TBC1D10A: variants seen among roughly 807,000 people sequenced by gnomAD.
The protein encoded by TBC1D10A is EBP50-PDX interactor of 64 kDa.
In TBC1D10A, 24 loss-of-function variants were observed where a neutral mutation model predicts 52.9. That is an observed-to-expected ratio of 0.45 (90% confidence interval 0.33 to 0.64). The LOEUF is 0.64. Ranked by LOEUF, TBC1D10A falls within the 30% of genes least tolerant of loss-of-function variation. TBC1D10A has a pLI of 0.02. For synonymous variants in TBC1D10A, 278 were observed against 282.9 expected (o/e 0.98, Z 0.17); for missense variants, 602 against 687.9 (o/e 0.88, Z 1.40).
rs149639218 is a variant in TBC1D10A at position 30,292,684 on chromosome 22, A to T, written c.1218T>A (p.Pro406=). 1 of 1,608,674 alleles carries T rather than the reference A, an allele frequency of 6.2e-7. No homozygotes were observed. Reference sequence around the variant, plus strand: ...CTAGGGGCAGGCGGATGGATGGTGAAGGTTGTAGGGCAGGCCGGGGACCAG... The same window carrying T: ...CTAGGGGCAGGCGGATGGATGGTGATGGTTGTAGGGCAGGCCGGGGACCAG... ...AEPGPRPALQ[P]SPSIRLPLDA... Residue 406 remains proline, a synonymous_variant, in exon 9 of 9, where the codon CCT becomes CCA. Transcript: ENST00000215790.
In TBC1D10A at chr22:30,293,724, C is replaced by T. The variant is rs749880360; in HGVS notation, c.977G>A (p.Gly326Asp). The T allele has an allele frequency of 3.7e-6, 6 of 1,613,402 alleles. No homozygotes were observed. The highest frequency in any genetic ancestry group is 1.7e-5 in the Admixed American group (1 of 60,004). The change falls in exon 8 of 9, where the codon GGC becomes GAC. Residue 326 changes from glycine to aspartate, a missense_variant. Around this residue, in one of 3 missense-constraint regions of TBC1D10A, gnomAD observed 265 missense variants for 275.1 expected, o/e 0.96. Coordinates refer to ENST00000215790, the MANE Select transcript of TBC1D10A (RefSeq NM_031937.3). ...GSPEKVKACQGQYETIERLRS... is the reference protein window; with the variant it reads ...GSPEKVKACQDQYETIERLRS... ...CAGTCGCTCGATGGTCTCGTACTGG[C>T]CCTGGCAGGCTTTGACCTTCTCAGG...
At chr22:30,304,477 C>T (rs1442585672) in intron 2 of TBC1D10A, 54 bp downstream of exon 2, 4 of 1,611,506 alleles carry the variant, frequency 2.5e-6, no homozygotes, top group Non-Finnish European at 3.4e-6. Context: ...CCCTCTTCCT[C>T]CTCCTCCCCA....
At chr22:30,317,646 G>A (rs369561809) in intron 1 of TBC1D10A, among the ~76,000 whole-genome samples, 5 of 152,020 alleles carry the variant, frequency 3.3e-5, no homozygotes, top group African/African-American at 4.8e-5. Flanking sequence ...ATGGGGTCTC[G>A]CTCTGTCACC....
Position 30,326,693 on chromosome 22 carries a change from G to A in TBC1D10A, c.189C>T (p.Gly63=). The change falls in exon 1 of 9, where the codon GGC becomes GGT. Residue 63 remains glycine, a synonymous_variant. Coordinates refer to ENST00000215790, the MANE Select transcript of TBC1D10A (RefSeq NM_031937.3). ...RRIDKFGFIV[G]SQGAEGALEE... is the part of the protein sequence containing the mutation. The stretch of plus-strand genomic sequence containing the variant: ...CTCACGCGCCCTCGGCGCCCTGCGA[G>A]CCCACGATGAAGCCGAACTTGTCGA... 6.4e-7 allele frequency: 1 copy of A among 1,550,550 alleles called. No homozygotes were observed. Among genetic ancestry groups the A allele is most frequent in the Non-Finnish European group, 8.7e-7 (1 of 1,147,570 alleles).
intron 3 of TBC1D10A, chr22:30,298,015 C>G (rs530109836): frequency 3.9e-5 from 6 of 152,378 alleles, no homozygotes; most frequent in Non-Finnish European, 5.9e-5. Flanking sequence ...CCTCCTCACA[C>G]AAGCAACTTT....
intron 1 of TBC1D10A, 161 bp from the exon 2 acceptor site, chr22:30,304,791 G>A: frequency 7.4e-7 from 1 of 1,348,876 alleles, no homozygotes. Context: ...GCAGATGAGA[G>A]GGAACACGCC....
intron 1 of TBC1D10A, among the ~76,000 whole-genome samples, chr22:30,311,694 T>G (rs918785356): frequency 1.5e-4 from 23 of 152,180 alleles, no homozygotes; most frequent in Non-Finnish European, 8.8e-5. Context: ...CTAGCCTTGC[T>G]GGCTCCCAAA....
chr22:30,321,978 GC>G, intron 1 of TBC1D10A, among the ~76,000 whole-genome samples: 1 of 147,994 alleles, frequency 6.8e-6, no homozygotes, highest in South Asian at 2.1e-4. Flanking sequence ...CTGGTCCTGG[GC>G]CTTTTTTTTT....
intron 4 of TBC1D10A, 50 bp downstream of exon 4, chr22:30,295,687 G>C (rs1312333119): frequency 1.4e-5 from 22 of 1,586,570 alleles, no homozygotes; most frequent in Non-Finnish European, 1.9e-5. Flanking sequence ...AGACCCCTTA[G>C]AGACAGGCCC....
chr22:30,311,055 T>C (rs559772689), intron 1 of TBC1D10A, among the ~76,000 whole-genome samples: 1 of 152,232 alleles, frequency 6.6e-6, no homozygotes, highest in East Asian at 1.9e-4. Flanking sequence ...AGGGTTTCCC[T>C]CTCCACCCAG....
intron 3 of TBC1D10A, chr22:30,296,180 A>C (rs974345490): frequency 2.8e-5 from 7 of 246,954 alleles, no homozygotes; most frequent in Non-Finnish European, 4.7e-5. Flanking sequence ...CTTAAGACAG[A>C]AGGCTGCTTC....
intron 1 of TBC1D10A, among the ~76,000 whole-genome samples, chr22:30,322,894 C>CTTT (rs34264567): frequency 1.5e-5 from 2 of 131,444 alleles, no homozygotes; most frequent in Non-Finnish European, 3.3e-5. Flanking sequence ...AGCACCTAGT[C>CTTT]TTTTTTTTTT....
In TBC1D10A at chr22:30,299,462, C is replaced by T; in HGVS notation, c.399G>A (p.Gln133=). 4 of 1,614,152 alleles carry T rather than the reference C, an allele frequency of 2.5e-6. No homozygotes were observed. Among genetic ancestry groups the T allele is most frequent in the Non-Finnish European group, 3.4e-6 (4 of 1,179,994 alleles). ...YLSGGKVKLQ[Q]NPGKFDELDM... is the part of the protein sequence containing the mutation. ...AACTTACGTCAAACTTTCCAGGGTT[C>T]TGCTGTAACTTCACCTTGCCTCCTG... The change falls in exon 3 of 9, where the codon CAG becomes CAA. Residue 133 remains glutamine, a synonymous_variant. Coordinates refer to ENST00000215790, the MANE Select transcript of TBC1D10A (RefSeq NM_031937.3).
Position 30,293,642 on chromosome 22 carries a change from G to A in TBC1D10A, c.1050+9C>T. ...CCTCCCCATGATAAGGGGCAGGCAT[G>A]GGCTGTACCTCCTGGACCAGAAAGG... On this transcript the variant is annotated intron_variant, in intron 8 of 8. Coordinates refer to ENST00000215790, the MANE Select transcript of TBC1D10A (RefSeq NM_031937.3). 1 of 1,602,790 alleles carries A rather than the reference G, an allele frequency of 6.2e-7. No individual in the cohort carries two copies. Among genetic ancestry groups the A allele is most frequent in the Non-Finnish European group, 8.5e-7 (1 of 1,171,998 alleles).
At chr22:30,293,271 C>CAA (rs1929991519) in intron 8 of TBC1D10A, 1 of 603,824 alleles carries the variant, frequency 1.7e-6, no homozygotes. Context: ...TGTGAGCCTC[C>CAA]ATTTCCTCAT....
At chr22:30,321,346 T>C (rs561602357) in intron 1 of TBC1D10A, among the ~76,000 whole-genome samples, 1 of 152,320 alleles carries the variant, frequency 6.6e-6, no homozygotes, top group Admixed American at 6.5e-5. Flanking sequence ...GCCAGCTCCA[T>C]GCTCTCCTGG....
intron 1 of TBC1D10A, among the ~76,000 whole-genome samples, chr22:30,326,470 C>T (rs1336075948): frequency 1.3e-5 from 2 of 149,980 alleles, no homozygotes; most frequent in Non-Finnish European, 3.0e-5. Flanking sequence ...GTGGGCCCGT[C>T]CGCCCCCTGG....
At chr22:30,301,991 G>A (rs1427834562) in intron 2 of TBC1D10A, among the ~76,000 whole-genome samples, 1 of 152,212 alleles carries the variant, frequency 6.6e-6, no homozygotes, top group Non-Finnish European at 1.5e-5. Flanking sequence ...AGGCCCTTCA[G>A]GCTCTCCCAC....
chr22:30,308,360 C>T (rs1930361059), intron 1 of TBC1D10A, among the ~76,000 whole-genome samples: 2 of 152,078 alleles, frequency 1.3e-5, no homozygotes, highest in African/African-American at 2.4e-5. Context: ...GCCTAGATCT[C>T]GTAAAATGTC....
Sources: gnomAD v4.1 joint callset for allele counts (sites outside exome capture counted in the v4.1 genomes callset) on GRCh38, gnomAD v4.1.1 for gene constraint, gnomAD v4.1.1 regional missense constraint, MANE v1.5 for transcripts, NCBI Gene and HGNC (gene_info 2026-07-23, HGNC 2026-07-21) for gene names.